Variants in MYOF observed in about 807,000 individuals in gnomAD.
MYOF encodes fer-1-like 3, myoferlin.
A neutral mutation model predicts 284.2 loss-of-function variants in MYOF; 244 were observed. The observed-to-expected ratio is 0.86, with a 90% CI of 0.77 to 0.95. The LOEUF is 0.95. MYOF is among the 40% of genes least tolerant of loss of function. MYOF has a pLI of 0.00. For missense variants in MYOF, 2,496 were observed against 2,560.6 expected (o/e 0.97, Z 0.54); for synonymous variants, 904 against 919.7 (o/e 0.98, Z 0.31).
At chr10:93,469,117 G>A (rs894839328) in intron 1 of MYOF, among the ~76,000 whole-genome samples, 2 of 152,134 alleles carry the variant, frequency 1.3e-5, no homozygotes, top group African/African-American at 4.8e-5. Context: ...TTATACCCAT[G>A]AGCCAGGTAT....
At chr10:93,460,674 G>A (rs1215577299) in intron 1 of MYOF, among the ~76,000 whole-genome samples, 1 of 151,386 alleles carries the variant, frequency 6.6e-6, no homozygotes, top group African/African-American at 2.4e-5. Flanking sequence ...GGCTGAGGCA[G>A]GAGAATTGCT....
chr10:93,313,921 C>A (rs1842499687), intron 50 of MYOF, among the ~76,000 whole-genome samples: 1 of 151,518 alleles, frequency 6.6e-6, no homozygotes, highest in Non-Finnish European at 1.5e-5. Flanking sequence ...AAACAGAAAA[C>A]CAACACAGGA....
At chr10:93,471,905 G>T (rs1469256832) in intron 1 of MYOF, among the ~76,000 whole-genome samples, 1 of 145,818 alleles carries the variant, frequency 6.9e-6, no homozygotes, top group African/African-American at 2.5e-5. Context: ...AAAAAAAAAG[G>T]CTCGGCACGG....
At chr10:93,372,822 C>T in intron 24 of MYOF, 108 bp downstream of exon 24, 2 of 1,334,506 alleles carry the variant, frequency 1.5e-6, no homozygotes, top group East Asian at 4.7e-5. Flanking sequence ...GAATTGATCC[C>T]AATCACCCTT....
At position 93,347,696 on chromosome 10, in the gene MYOF, G is replaced by T. The variant is rs759460504; in HGVS notation, c.4170C>A (p.Gly1390=). Residue 1390 remains glycine, a synonymous_variant, in exon 37 of 54, where the codon GGC becomes GGA. Coordinates refer to ENST00000359263, the MANE Select transcript of MYOF (RefSeq NM_013451.4). The stretch of plus-strand genomic sequence containing the variant: ...GGTCCAGGCGCTCGATGGTGCACTG[G>T]CCGACGACAGGCTTCCGCCCAAACT... ...HRQFGRKPVV[G]QCTIERLDRF... The T allele has an allele frequency of 1.3e-5, 21 of 1,614,162 alleles. No individual in the cohort carries two copies. In the South Asian group the frequency reaches 2.2e-4, roughly 17 times the overall value.
chr10:93,419,731 C>G (rs546088072), intron 5 of MYOF, among the ~76,000 whole-genome samples: 1 of 152,214 alleles, frequency 6.6e-6, no homozygotes. Flanking sequence ...ATGTTTATCT[C>G]TTACCTTCCT....
intron 4 of MYOF, among the ~76,000 whole-genome samples, chr10:93,428,358 G>A (rs1169189704): frequency 9.3e-6 from 1 of 107,992 alleles, no homozygotes; most frequent in Non-Finnish European, 1.9e-5. Context: ...GTGCCACCAT[G>A]CCCAGCTAAT....
intron 4 of MYOF, among the ~76,000 whole-genome samples, chr10:93,427,894 A>G (rs982434074): frequency 5.9e-5 from 9 of 152,110 alleles, no homozygotes; most frequent in African/African-American, 2.2e-4. Context: ...TGGACCCACA[A>G]AATTTCAAAC....
chr10:93,420,656 T>C (rs1427672747), intron 5 of MYOF, among the ~76,000 whole-genome samples: 2 of 152,188 alleles, frequency 1.3e-5, no homozygotes, highest in African/African-American at 2.4e-5. Context: ...TAATTTCTCC[T>C]CTGCAGGAGC....
chr10:93,480,879 G>A (rs766058316), intron 1 of MYOF, among the ~76,000 whole-genome samples: 4 of 152,166 alleles, frequency 2.6e-5, no homozygotes, highest in Non-Finnish European at 5.9e-5. Context: ...AAGGCGAAAG[G>A]TATAGATGCC....
chr10:93,337,736 T>C (rs1843681808), intron 40 of MYOF, 79 bp downstream of exon 40: 1 of 1,218,778 alleles, frequency 8.2e-7, no homozygotes, highest in Non-Finnish European at 1.2e-6. Flanking sequence ...AGGGACCTTT[T>C]AGTCATCCTC....
intron 3 of MYOF, 113 bp downstream of exon 3, chr10:93,451,937 A>G (rs2056601740): frequency 1.2e-6 from 1 of 807,558 alleles, no homozygotes; most frequent in East Asian, 2.5e-5. Flanking sequence ...GAATTAAAGC[A>G]CATTTATATT....
intron 49 of MYOF, among the ~76,000 whole-genome samples, 187 bp downstream of exon 49, chr10:93,319,685 T>A (rs1330947107): frequency 6.6e-6 from 1 of 152,118 alleles, no homozygotes; most frequent in Admixed American, 6.5e-5. Flanking sequence ...TGCTTCCTAA[T>A]GACACAAATA....
At chr10:93,437,447 T>C (rs1424108737) in intron 3 of MYOF, among the ~76,000 whole-genome samples, 2 of 152,120 alleles carry the variant, frequency 1.3e-5, no homozygotes, top group Non-Finnish European at 2.9e-5. Context: ...GTTGTTCCTC[T>C]ATGCAGCAGA....
intron 5 of MYOF, among the ~76,000 whole-genome samples, chr10:93,414,291 C>T (rs892575348): frequency 6.6e-6 from 1 of 152,124 alleles, no homozygotes; most frequent in Non-Finnish European, 1.5e-5. Context: ...AAACCCAGCA[C>T]TTTGGGAGGC....
intron 3 of MYOF, among the ~76,000 whole-genome samples, chr10:93,445,193 A>C (rs2056394158): frequency 1.3e-5 from 2 of 152,226 alleles, no homozygotes; most frequent in Non-Finnish European, 2.9e-5. Context: ...AGAGGCTTTC[A>C]GTATAACATA....
rs138657834 is a variant in MYOF at position 93,409,532 on chromosome 10, T to C, written c.600+41A>G. 109 of 1,598,618 alleles carry C rather than the reference T, an allele frequency of 6.8e-5. 1 individual carries two copies. The East Asian group carries it at 1.1e-3, about 16-fold the overall frequency. ...TGCAATTGCCAGAAGATGGGCAATA[T>C]AAAGATTAAACAAAGAAGCAGAACG... On this transcript the variant is annotated intron_variant, in intron 6 of 53. Transcript: ENST00000359263.
chr10:93,445,999 C>T (rs1282152521), intron 3 of MYOF, among the ~76,000 whole-genome samples: 1 of 146,684 alleles, frequency 6.8e-6, no homozygotes, highest in African/African-American at 2.5e-5. Flanking sequence ...ATAGTTTATT[C>T]CCAGATGGTT....
At chr10:93,330,745 G>C (rs1422002379) in intron 43 of MYOF, among the ~76,000 whole-genome samples, 1 of 152,228 alleles carries the variant, frequency 6.6e-6, no homozygotes, top group Non-Finnish European at 1.5e-5. Flanking sequence ...TATTGAAGGA[G>C]AAGCTGTGAG....
Sources: gnomAD v4.1 joint callset for allele counts (sites outside exome capture counted in the v4.1 genomes callset) on GRCh38, gnomAD v4.1.1 for gene constraint, MANE v1.5 for transcripts, NCBI Gene and HGNC (gene_info 2026-07-23, HGNC 2026-07-21) for gene names.